MRPL19: variants seen among roughly 807,000 people sequenced by gnomAD.
MRPL19 encodes mitochondrial ribosomal protein L19.
A neutral mutation model predicts 34.0 loss-of-function variants in MRPL19; 31 were observed. That is an observed-to-expected ratio of 0.91 (90% CI 0.68 to 1.23). MRPL19 has a LOEUF of 1.23. Ranked by LOEUF, MRPL19 falls within the 50% of genes most tolerant of loss-of-function variation. The pLI is 0.00. For synonymous variants in MRPL19, 152 were observed against 127.7 expected, an observed-to-expected ratio of 1.19 and a Z score of -1.28; for missense variants, 384 against 367.6, an observed-to-expected ratio of 1.04 and a Z score of -0.37.
chr2:75,652,437 A>G lies in MRPL19; in HGVS notation c.341-86A>G, dbSNP rs558168370. The G allele has an allele frequency of 3.2e-5, 47 of 1,483,600 alleles. No individual in the cohort carries two copies. In the Admixed American group the frequency reaches 4.0e-4, roughly 13 times the overall value. The allele number at this position is 1,483,600 out of a possible 1,614,324, so 91.9% of individuals were successfully genotyped here. A position where few individuals can be genotyped will look rare whatever the true frequency, so the allele number is the denominator to read the frequency against. On this transcript the variant is annotated intron_variant, in intron 3 of 5. Coordinates refer to ENST00000393909, the MANE Select transcript of MRPL19 (RefSeq NM_014763.4). ...GGAAGTTAAGTTATCTAGAAATGCT[A>G]TTTGTTTGTTTCTGCATCTTATATA...
At chr2:75,652,057 A>G (rs779693290) in intron 2 of MRPL19, 85 bp from the exon 3 acceptor site, 65 of 715,600 alleles carry the variant, frequency 9.1e-5, no homozygotes, top group Non-Finnish European at 1.4e-4. Flanking sequence ...CATCAATATC[A>G]TATTTAATTT....
intron 4 of MRPL19, among the ~76,000 whole-genome samples, chr2:75,652,965 T>A (rs1428995151): frequency 6.6e-6 from 1 of 152,248 alleles, no homozygotes; most frequent in African/African-American, 2.4e-5. Context: ...ATATTTGTTT[T>A]AGGAGCAAAT....
chr2:75,654,148 TG>T (rs1284862304), intron 4 of MRPL19, among the ~76,000 whole-genome samples: 2 of 152,284 alleles, frequency 1.3e-5, no homozygotes, highest in African/African-American at 4.8e-5. Flanking sequence ...GTTTTGTATT[TG>T]GTGAGGCCTC....
At chr2:75,654,034 G>T (rs1328508259) in intron 4 of MRPL19, among the ~76,000 whole-genome samples, 1 of 152,156 alleles carries the variant, frequency 6.6e-6, no homozygotes, top group East Asian at 1.9e-4. Context: ...TATTCTGTTC[G>T]TGCTGTTGTA....
chr2:75,654,924 G>A lies in MRPL19; in HGVS notation c.657+7G>A. Reference sequence around the variant, plus strand: ...AAAAGTTCCTGTTAATGAGGTATGGGTTATACATTTGAAACTAGAAGTTCA... The same window carrying A: ...AAAAGTTCCTGTTAATGAGGTATGGATTATACATTTGAAACTAGAAGTTCA... On this transcript the variant is annotated splice_region_variant and intron_variant, in intron 5 of 5. Transcript: ENST00000393909. The A allele has an allele frequency of 6.3e-7, 1 of 1,587,304 alleles. No individual in the cohort carries two copies. Among genetic ancestry groups the A allele is most frequent in the Non-Finnish European group, 8.5e-7 (1 of 1,170,370 alleles).
chr2:75,652,018 CTTTT>C, intron 2 of MRPL19, 120 bp from the exon 3 acceptor site: 1 of 550,968 alleles, frequency 1.8e-6, no homozygotes, highest in Non-Finnish European at 3.2e-6. Flanking sequence ...ATAAGATTGA[CTTTT>C]ATTTAGACAA....
intron 2 of MRPL19, chr2:75,651,212 T>G (rs994018396): frequency 4.9e-6 from 2 of 409,440 alleles, no homozygotes; most frequent in African/African-American, 2.0e-5. Context: ...GATCTGTTAA[T>G]CCACCAACCC....
intron 2 of MRPL19, chr2:75,651,462 G>T: frequency 1.9e-6 from 1 of 533,218 alleles, no homozygotes; most frequent in East Asian, 5.4e-5. Context: ...TTCCATCAAA[G>T]GAAGAGCTAG....
intron 1 of MRPL19, 22 bp from the exon 2 acceptor site, chr2:75,647,080 C>G: frequency 1.3e-6 from 2 of 1,565,966 alleles, no homozygotes; most frequent in Non-Finnish European, 1.7e-6. Context: ...AGAGTTCTGA[C>G]CTCCGTCGTC....
Position 75,647,097 on chromosome 2 carries a change from C to G in MRPL19, c.104-5C>G, listed in dbSNP as rs1426159580. The G allele has an allele frequency of 6.3e-7, 1 of 1,580,410 alleles. No homozygotes were observed. The highest frequency in any genetic ancestry group is 2.3e-5 in the East Asian group (1 of 43,532). ...AGTTCTGACCTCCGTCGTCCGCTCC[C>G]GCAGGGGTCCACGCGGGGCCTGTCC... On this transcript the variant is annotated splice_region_variant and splice_polypyrimidine_tract_variant and intron_variant, in intron 1 of 5. Transcript: ENST00000393909.
At position 75,652,257 on chromosome 2, in the gene MRPL19, G is replaced by A. The variant is rs528127595; in HGVS notation, c.337G>A (p.Val113Ile). ...AGTACTCCACATTCCAGAGTTCTAT[G>A]TTGGTCAGTAAGAGCTGTATGTTTT... ...RKVLHIPEFY[V>I]GSILRVTTAD... The change falls in exon 3 of 6, where the codon GTT becomes ATT. Residue 113 changes from valine to isoleucine, a missense_variant. By Grantham distance (29) the Val-to-Ile change is conservative (BLOSUM62 3). Coordinates refer to ENST00000393909, the MANE Select transcript of MRPL19 (RefSeq NM_014763.4). 23 of 1,545,316 alleles carry A rather than the reference G, an allele frequency of 1.5e-5. No homozygotes were observed. The South Asian group carries it at 2.0e-4, about 13-fold the overall frequency.
intron 2 of MRPL19, among the ~76,000 whole-genome samples, chr2:75,649,211 T>G (rs1678281150): frequency 6.6e-6 from 1 of 152,246 alleles, no homozygotes; most frequent in East Asian, 1.9e-4. Flanking sequence ...TCTGAGAGAC[T>G]AATGACCAAA....
rs550347375 is a variant in MRPL19, at chr2:75,655,457, A to C, written c.*172A>C. ...AACTTGTACACCAGTTTATTACTCT[A>C]AAAAGAGAATTACACATGCCAAATG... is the stretch of plus-strand genomic sequence containing the variant. On this transcript the variant is annotated 3_prime_UTR_variant, in exon 6 of 6. Transcript: ENST00000393909. 10 of 546,484 alleles carry C rather than the reference A, an allele frequency of 1.8e-5. No individual in the cohort carries two copies. The highest frequency in any genetic ancestry group is 1.4e-4 in the African/African-American group (7 of 51,526). 33.9% of individuals were successfully genotyped at this position (546,484 alleles called of 1,614,324 possible).
At position 75,661,143 on chromosome 2, in the gene MRPL19, C is replaced by A. The variant is rs1229628337; in HGVS notation, c.*5858C>A. 6.6e-6 allele frequency: 1 copy of A among 152,168 alleles called. No homozygotes were observed. Among genetic ancestry groups the A allele is most frequent in the Non-Finnish European group, 1.5e-5 (1 of 68,040 alleles). 9.4% of individuals were successfully genotyped at this position (152,168 alleles called of 1,614,324 possible). ...CAGGGTCCAAGACAGAATGCAGTTG[C>A]TGATTTCAAGACTGCTGCAACACCA... On this transcript the variant is annotated 3_prime_UTR_variant, in exon 6 of 6. Transcript: ENST00000393909.
chr2:75,652,682 T>A, intron 4 of MRPL19, 25 bp downstream of exon 4: 3 of 1,603,934 alleles, frequency 1.9e-6, no homozygotes, highest in Non-Finnish European at 2.6e-6. Flanking sequence ...ATCATTTTCA[T>A]TGTCTAGAAA....
At chr2:75,651,562 G>T in intron 2 of MRPL19, 3 of 418,732 alleles carry the variant, frequency 7.2e-6, no homozygotes, top group South Asian at 5.8e-5. Context: ...CTATAGTCTT[G>T]ACCAGCAAAC....
rs1222928550 is a variant in MRPL19 at position 75,654,930 on chromosome 2, C to T, written c.657+13C>T. The T allele has an allele frequency of 6.3e-7, 1 of 1,576,500 alleles. No homozygotes were observed. The highest frequency in any genetic ancestry group is 1.9e-5 in the Admixed American group (1 of 51,830). ...TCCTGTTAATGAGGTATGGGTTATA[C>T]ATTTGAAACTAGAAGTTCAAGTATA... On this transcript the variant is annotated intron_variant, in intron 5 of 5. Transcript: ENST00000393909.
In MRPL19 at chr2:75,655,248, C is replaced by T. The variant is rs764662938; in HGVS notation, c.842C>T (p.Ala281Val). ...REYDTSKIEA[A>V]IWKEIEASKR... is the part of the protein sequence containing the mutation. ...TATGATACTTCAAAAATTGAAGCTGCAATATGGAAGGAAATTGAAGCGTCG... is the reference window on the plus strand; with the variant it reads ...TATGATACTTCAAAAATTGAAGCTGTAATATGGAAGGAAATTGAAGCGTCG... Residue 281 changes from alanine to valine, a missense_variant, in exon 6 of 6, where the codon GCA becomes GTA. By Grantham distance (64) the Ala-to-Val change is moderately conservative. Transcript: ENST00000393909. 4 of 1,612,506 alleles carry T rather than the reference C, an allele frequency of 2.5e-6. No homozygotes were observed. The South Asian group carries it at 3.3e-5, about 13-fold the overall frequency.
At position 75,656,752 on chromosome 2, in the gene MRPL19, T is replaced by C. The variant is rs13397865; in HGVS notation, c.*1467T>C. On this transcript the variant is annotated 3_prime_UTR_variant, in exon 6 of 6. Transcript: ENST00000393909. ...GGTGTGGGTCTATATTTATCCATTG[T>C]ATTGGGTTTTAGGTGAACCCTTCCA... 72,896 of 151,928 alleles carry C rather than the reference T, an allele frequency of 0.48. 18,754 individuals are homozygous for C. Among genetic ancestry groups the C allele is most frequent in the African/African-American group, 0.69 (28,553 of 41,442 alleles). 9.4% of individuals were successfully genotyped at this position (151,928 alleles called of 1,614,324 possible).
Sources: allele counts gnomAD v4.1 joint callset (sites outside exome capture counted in the v4.1 genomes callset), GRCh38; gene constraint gnomAD v4.1.1; transcripts MANE v1.5; gene names NCBI Gene and HGNC (gene_info 2026-07-23, HGNC 2026-07-21).